Variants in TUSC3 observed in about 807,000 individuals in gnomAD.
TUSC3 encodes tumor suppressor candidate 3, also known as dolichyl-diphosphooligosaccharide--protein glycosyltransferase subunit TUSC3.
TUSC3 carries 45 observed loss-of-function variants against 44.8 expected under a neutral mutation model. The ratio of observed to expected loss-of-function variants is 1.00; its 90% confidence interval spans 0.79 to 1.29. The LOEUF (loss-of-function observed/expected upper bound fraction) is 1.29. Among genes scored for constraint, TUSC3 ranks in the 50% most tolerant of loss-of-function variants. The pLI is 0.00. For synonymous variants in TUSC3, 212 were observed against 152.9 expected, an observed-to-expected ratio of 1.39 and a Z score of -2.85; for missense variants, 519 against 437.9, an observed-to-expected ratio of 1.19 and a Z score of -1.65.
At chr8:15,683,879 T>C (rs949159546) in intron 6 of TUSC3, among the ~76,000 whole-genome samples, 2 of 152,164 alleles carry the variant, frequency 1.3e-5, no homozygotes, top group African/African-American at 4.8e-5. Context: ...GCTTCGTTTC[T>C]GAGTACTTTC....
intron 1 of TUSC3, among the ~76,000 whole-genome samples, chr8:15,611,158 T>A (rs539924115): frequency 6.6e-6 from 1 of 152,324 alleles, no homozygotes; most frequent in Admixed American, 6.5e-5. Flanking sequence ...GTGTTCTGTA[T>A]CAAATATTTC....
Position 15,571,112 on chromosome 8 carries a change from C to G in TUSC3, c.138+30544C>G, listed in dbSNP as rs1209418560. On this transcript the variant is annotated intron_variant, in intron 1 of 10. Transcript: ENST00000503731. ...GGGATTATAGGTGCCTGCCACCACA[C>G]CTGACTAGTTTTTGTATTTTTAGTA... is the stretch of plus-strand genomic sequence containing the variant. 1.3e-5 allele frequency among the ~76,000 whole-genome samples: 2 copies of G among 151,692 alleles called. 1 individual carries two copies. Among genetic ancestry groups the G allele is most frequent in the South Asian group, 4.2e-4 (2 of 4,806 alleles).
At position 15,512,725 on chromosome 8, in the gene TUSC3, A is replaced by G. The variant is rs191571360; in HGVS notation, n.189+29242A>G. On this transcript the variant is annotated intron_variant and non_coding_transcript_variant, in intron 2 of 5. Transcript: ENST00000503191. The stretch of plus-strand genomic sequence containing the variant: ...GAGGGAGAGGTTGCAGTGAGCTGAG[A>G]TTGCAGCACTGCATTACAGCCTGGG... 6.4e-4 allele frequency among the ~76,000 whole-genome samples: 97 copies of G among 151,812 alleles called. No individual in the cohort carries two copies. The Middle Eastern group carries it at 0.01, about 16-fold the overall frequency.
the TUSC3 span, among the ~76,000 whole-genome samples, chr8:15,791,459 G>C: frequency 6.6e-6 from 1 of 152,192 alleles, no homozygotes; most frequent in Middle Eastern, 3.4e-3. Flanking sequence ...TGAATGTGTG[G>C]TTTACATTGC....
At chr8:15,494,058 A>T (rs544391192) in intron 2 of TUSC3, among the ~76,000 whole-genome samples, 11 of 152,284 alleles carry the variant, frequency 7.2e-5, no homozygotes, top group African/African-American at 2.2e-4. Flanking sequence ...ATCTTTGTTC[A>T]AAAATAACCC....
chr8:15,588,276 A>G (rs1803678142), intron 1 of TUSC3, among the ~76,000 whole-genome samples: 2 of 152,126 alleles, frequency 1.3e-5, no homozygotes, highest in African/African-American at 4.8e-5. Context: ...ATGTTATCTC[A>G]CAGTGGTTTT....
Position 15,534,165 on chromosome 8 carries a change from AC to A in TUSC3, n.189+50683del, listed in dbSNP as rs546384921. On this transcript the variant is annotated intron_variant and non_coding_transcript_variant, in intron 2 of 5. Transcript: ENST00000503191. Reference sequence around the variant, plus strand: ...GGGCCTCAAGATTTATTTTCCATTCACAGCCTTATTACTATAATTATGAGAT... The same window carrying A: ...GGGCCTCAAGATTTATTTTCCATTCAAGCCTTATTACTATAATTATGAGAT... 5.4e-3 allele frequency among the ~76,000 whole-genome samples: 828 copies of A among 152,236 alleles called. 6 individuals carry two copies. Among genetic ancestry groups the A allele is most frequent in the Non-Finnish European group, 8.9e-3 (606 of 68,014 alleles).
At chr8:15,625,575 A>T (rs569139362) in intron 2 of TUSC3, among the ~76,000 whole-genome samples, 1 of 152,314 alleles carries the variant, frequency 6.6e-6, no homozygotes, top group South Asian at 2.1e-4. Flanking sequence ...TCAAGAGCAA[A>T]CACATTTTGT....
chr8:15,530,789 T>A (rs56845409), intron 2 of TUSC3, among the ~76,000 whole-genome samples: 7,483 of 152,278 alleles, frequency 0.049, 278 homozygotes, highest in African/African-American at 0.1. Flanking sequence ...TGTATTGTTT[T>A]ATTTCATCCT....
At chr8:15,475,068 G>GC (rs1476538752) in intron 1 of TUSC3, among the ~76,000 whole-genome samples, 6 of 151,816 alleles carry the variant, frequency 4.0e-5, no homozygotes, top group Admixed American at 3.9e-4. Context: ...ATTTATAGGC[G>GC]CCCCCTTTAT....
intron 1 of TUSC3, among the ~76,000 whole-genome samples, chr8:15,599,305 G>A (rs539948667): frequency 6.6e-6 from 1 of 151,674 alleles, no homozygotes; most frequent in African/African-American, 2.4e-5. Context: ...AGTTTTAAGA[G>A]GTCTTTGTAT....
chr8:15,641,184 C>G (rs762058610), intron 2 of TUSC3, among the ~76,000 whole-genome samples: 12 of 151,474 alleles, frequency 7.9e-5, no homozygotes, highest in Non-Finnish European at 1.5e-4. Context: ...CATGGTGAAA[C>G]CCCTGTCTCT....
chr8:15,593,145 G>A (rs558314567), intron 1 of TUSC3, among the ~76,000 whole-genome samples: 1 of 152,100 alleles, frequency 6.6e-6, no homozygotes, highest in Non-Finnish European at 1.5e-5. Flanking sequence ...GAGTGCAGTG[G>A]TGTGATCTTG....
At chr8:15,805,054 A>T in the TUSC3 span, among the ~76,000 whole-genome samples, 61 of 152,204 alleles carry the variant, frequency 4.0e-4, no homozygotes, top group African/African-American at 1.4e-3. Context: ...TTCCTCGGTT[A>T]GATGTATTCC....
chr8:15,842,755 C>G, the TUSC3 span, among the ~76,000 whole-genome samples: 3 of 152,260 alleles, frequency 2.0e-5, no homozygotes, highest in East Asian at 3.9e-4. Context: ...CGAGAAGGTC[C>G]TTTGGTATTG....
intron 1 of TUSC3, among the ~76,000 whole-genome samples, chr8:15,472,634 A>G (rs1282868354): frequency 1.3e-5 from 2 of 152,142 alleles, no homozygotes; most frequent in African/African-American, 2.4e-5. Context: ...TCATTTCACT[A>G]TGTTGAGGAT....
intron 1 of TUSC3, among the ~76,000 whole-genome samples, chr8:15,446,821 C>T (rs950798739): frequency 6.8e-6 from 1 of 147,192 alleles, no homozygotes; most frequent in South Asian, 2.2e-4. Flanking sequence ...GACATGGCCT[C>T]TTTAAAGGAG....
At chr8:15,512,551 T>G (rs1801151426) in intron 2 of TUSC3, among the ~76,000 whole-genome samples, 1 of 152,104 alleles carries the variant, frequency 6.6e-6, no homozygotes, top group South Asian at 2.1e-4. Context: ...GGTGGGCAGA[T>G]CACTTGAGGT....
chr8:15,520,268 G>A (rs1386807461), intron 2 of TUSC3, among the ~76,000 whole-genome samples: 1 of 152,136 alleles, frequency 6.6e-6, no homozygotes, highest in Non-Finnish European at 1.5e-5. Context: ...ATATAGATAT[G>A]TTTAAATATC....
Sources: allele counts gnomAD v4.1 joint callset (sites outside exome capture counted in the v4.1 genomes callset), GRCh38; gene constraint gnomAD v4.1.1; transcripts MANE v1.5; gene names NCBI Gene and HGNC (gene_info 2026-07-23, HGNC 2026-07-21).